Variants in OSTF1 observed in about 807,000 individuals in gnomAD.
OSTF1 encodes the protein osteoclast stimulating factor 1, also known as osteoclast-stimulating factor 1.
A neutral mutation model predicts 37.2 loss-of-function variants in OSTF1; 27 were observed. The observed-to-expected ratio is 0.73, with a 90% confidence interval of 0.54 to 1.00. OSTF1 has a LOEUF of 1.00. Among genes scored for constraint, OSTF1 ranks in the 50% least tolerant of loss-of-function variants. The pLI, the probability that OSTF1 is intolerant of heterozygous loss-of-function variation, is 0.00. For missense variants in OSTF1, 232 were observed against 253.8 expected, an observed-to-expected ratio of 0.91 and a Z score of 0.58; for synonymous variants, 82 against 89.2, an observed-to-expected ratio of 0.92 and a Z score of 0.46.
intron 7 of OSTF1, among the ~76,000 whole-genome samples, chr9:75,137,047 A>T (rs1191130652): frequency 2.0e-5 from 3 of 152,090 alleles, no homozygotes; most frequent in Non-Finnish European, 4.4e-5. Flanking sequence ...ATGAACTTGG[A>T]AACTATCAGG....
chr9:75,119,531 G>A (rs1324180691), intron 2 of OSTF1, among the ~76,000 whole-genome samples: 2 of 152,292 alleles, frequency 1.3e-5, no homozygotes, highest in Admixed American at 6.5e-5. Flanking sequence ...ACAATTCCAG[G>A]AGCTAGAAGA....
chr9:75,101,610 T>C (rs767262399), intron 1 of OSTF1, among the ~76,000 whole-genome samples: 1 of 152,236 alleles, frequency 6.6e-6, no homozygotes, highest in African/African-American at 2.4e-5. Context: ...TTCAAAGATA[T>C]TGATAATCCT....
chr9:75,105,370 T>C (rs1243267795), intron 1 of OSTF1, among the ~76,000 whole-genome samples: 1 of 152,216 alleles, frequency 6.6e-6, no homozygotes, highest in Non-Finnish European at 1.5e-5. Flanking sequence ...CTTTTGCAGC[T>C]ACTCAACTCT....
intron 1 of OSTF1, among the ~76,000 whole-genome samples, chr9:75,096,591 T>G (rs1167003672): frequency 6.6e-6 from 1 of 152,190 alleles, no homozygotes; most frequent in South Asian, 2.1e-4. Flanking sequence ...GGAATTTTGC[T>G]TGGTTCTGAG....
intron 6 of OSTF1, 66 bp downstream of exon 6, chr9:75,133,467 A>T: frequency 1.1e-6 from 1 of 944,786 alleles, no homozygotes; most frequent in Non-Finnish European, 1.7e-6. Context: ...CGGGAGCCAG[A>T]TTTACAAAAA....
chr9:75,119,212 A>G (rs1020473365), intron 2 of OSTF1, among the ~76,000 whole-genome samples: 6 of 152,362 alleles, frequency 3.9e-5, no homozygotes, highest in Middle Eastern at 6.8e-3. Context: ...ACCATTCTGC[A>G]GTGGAACCAT....
At chr9:75,101,481 T>C (rs1468682684) in intron 1 of OSTF1, among the ~76,000 whole-genome samples, 1 of 152,206 alleles carries the variant, frequency 6.6e-6, no homozygotes, top group Non-Finnish European at 1.5e-5. Flanking sequence ...CTTTCTGAAC[T>C]CGTTTTCCTC....
At chr9:75,146,501 T>A (rs561004450) in intron 9 of OSTF1, among the ~76,000 whole-genome samples, 182 bp from the exon 10 acceptor site, 76 of 152,292 alleles carry the variant, frequency 5.0e-4, no homozygotes, top group African/African-American at 1.6e-3. Flanking sequence ...TCAGCCTCTG[T>A]GGCAACAGAA....
chr9:75,133,497 G>A (rs1825798913), intron 6 of OSTF1, 96 bp downstream of exon 6: 1 of 737,024 alleles, frequency 1.4e-6, no homozygotes, highest in Non-Finnish European at 2.4e-6. Flanking sequence ...GAAAAGCATT[G>A]GCTATTCTTT....
chr9:75,131,946 C>A, intron 5 of OSTF1, 123 bp downstream of exon 5: 1 of 706,398 alleles, frequency 1.4e-6, no homozygotes, highest in Non-Finnish European at 2.5e-6. Context: ...ACATTTCTGC[C>A]ATCCTAGAAA....
At chr9:75,106,986 AG>A (rs1336495850) in intron 1 of OSTF1, among the ~76,000 whole-genome samples, 4 of 147,928 alleles carry the variant, frequency 2.7e-5, no homozygotes, top group African/African-American at 1.0e-4. Context: ...AGAAAAAAAA[AG>A]AAAAAAAAAA....
At chr9:75,123,154 G>A (rs553567277) in intron 2 of OSTF1, among the ~76,000 whole-genome samples, 1 of 152,370 alleles carries the variant, frequency 6.6e-6, no homozygotes, top group East Asian at 1.9e-4. Flanking sequence ...GGGCGCAGTG[G>A]CTCACGCCTG....
At chr9:75,137,431 C>T (rs185199464) in intron 7 of OSTF1, 107 bp from the exon 8 acceptor site, 144 of 702,604 alleles carry the variant, frequency 2.0e-4, no homozygotes, top group Middle Eastern at 2.5e-4. Flanking sequence ...ACTTTGTTCC[C>T]ATTTTAGGTT....
At chr9:75,117,696 A>C in intron 2 of OSTF1, 146 bp downstream of exon 2, 1 of 626,426 alleles carries the variant, frequency 1.6e-6, no homozygotes, top group Non-Finnish European at 2.9e-6. Flanking sequence ...AGAGCTGTGC[A>C]AGTTAAGTCC....
chr9:75,133,616 G>C (rs529756038), intron 6 of OSTF1, among the ~76,000 whole-genome samples: 1 of 152,302 alleles, frequency 6.6e-6, no homozygotes, highest in Admixed American at 6.5e-5. Context: ...TCGCTTGAAA[G>C]ACTGGACACT....
intron 2 of OSTF1, among the ~76,000 whole-genome samples, chr9:75,120,917 T>G (rs1042215004): frequency 2.6e-5 from 4 of 152,170 alleles, no homozygotes; most frequent in Non-Finnish European, 5.9e-5. Context: ...ATACTTCCTC[T>G]TCTGTAAAGA....
intron 2 of OSTF1, among the ~76,000 whole-genome samples, chr9:75,124,776 T>A (rs1321043276): frequency 1.3e-5 from 2 of 150,810 alleles, no homozygotes; most frequent in African/African-American, 4.9e-5. Flanking sequence ...TGTTTGGTAC[T>A]TTTTCATAAA....
chr9:75,089,774 T>C (rs971443330), intron 1 of OSTF1, among the ~76,000 whole-genome samples: 2 of 152,268 alleles, frequency 1.3e-5, no homozygotes, highest in African/African-American at 4.8e-5. Context: ...GAAGTAACTT[T>C]CTTTGCAAGA....
chr9:75,103,214 T>G (rs1825225062), intron 1 of OSTF1, among the ~76,000 whole-genome samples: 1 of 152,062 alleles, frequency 6.6e-6, no homozygotes. Flanking sequence ...GTTTAGGAGT[T>G]CAAGATTACA....
Sources: gnomAD v4.1 joint callset for allele counts (sites outside exome capture counted in the v4.1 genomes callset) on GRCh38, gnomAD v4.1.1 for gene constraint, MANE v1.5 for transcripts, NCBI Gene and HGNC (gene_info 2026-07-23, HGNC 2026-07-21) for gene names.